The following NPAS3 variants were observed in gnomAD, a reference collection of about 807,000 sequenced individuals.
NPAS3 encodes the protein neuronal PAS domain protein 3.
Under a neutral mutation model 73.1 loss-of-function variants are expected in NPAS3, and 14 were observed. That is an observed-to-expected ratio of 0.19 (90% CI 0.13 to 0.30). NPAS3 has a LOEUF of 0.30. NPAS3 is among the 10% of genes least tolerant of loss of function. The pLI is 1.00. For missense variants in NPAS3, 1,096 were observed against 1,250.0 expected (o/e 0.88, Z 1.86); for synonymous variants, 620 against 541.5 (o/e 1.14, Z -2.01).
At chr14:33,094,107 T>G (rs925386326) in intron 2 of NPAS3, among the ~76,000 whole-genome samples, 2 of 122,500 alleles carry the variant, frequency 1.6e-5, no homozygotes, top group African/African-American at 4.1e-5. Flanking sequence ...CCCTAGAACT[T>G]AAAGTATAAA....
intron 3 of NPAS3, among the ~76,000 whole-genome samples, chr14:33,302,864 C>A (rs144955892): frequency 1.3e-3 from 200 of 151,294 alleles, no homozygotes; most frequent in Non-Finnish European, 1.7e-3. Flanking sequence ...TTTTAGAGTC[C>A]TATGGATGAT....
chr14:33,642,455 C>T (rs1378321416), intron 5 of NPAS3, among the ~76,000 whole-genome samples: 3 of 152,104 alleles, frequency 2.0e-5, no homozygotes, highest in Non-Finnish European at 4.4e-5. Flanking sequence ...AGAACAATGG[C>T]CCAGGAATGT....
At chr14:32,994,539 C>T (rs2038472548) in intron 1 of NPAS3, among the ~76,000 whole-genome samples, 1 of 149,068 alleles carries the variant, frequency 6.7e-6, no homozygotes. Flanking sequence ...ATCTTTGATG[C>T]AGGTTGCAAG....
At chr14:33,785,938 T>A (rs2063158448) in intron 9 of NPAS3, among the ~76,000 whole-genome samples, 1 of 152,182 alleles carries the variant, frequency 6.6e-6, no homozygotes, top group African/African-American at 2.4e-5. Flanking sequence ...AAGGGGTCAG[T>A]CGATGTTTTG....
At chr14:33,799,924 C>G (rs989303974) in exon 12 of NPAS3, 7 of 1,614,178 alleles carry the variant, frequency 4.3e-6, no homozygotes, top group Non-Finnish European at 5.1e-6. Context: ...ACTTTGAGAA[C>G]CCCAAGGCGG....
At chr14:33,604,642 G>A (rs1446271510) in intron 5 of NPAS3, among the ~76,000 whole-genome samples, 1 of 152,016 alleles carries the variant, frequency 6.6e-6, no homozygotes, top group Non-Finnish European at 1.5e-5. Flanking sequence ...CCACCTAACA[G>A]CAGAGTACAC....
At position 33,330,770 on chromosome 14, in the gene NPAS3, G is replaced by C. The variant is rs186834797; in HGVS notation, c.386-36416G>C. Among the ~76,000 whole-genome samples, 67 of 151,318 alleles carry C rather than the reference G, an allele frequency of 4.4e-4. 1 individual carries two copies. Among genetic ancestry groups the C allele is most frequent in the Admixed American group, 4.1e-3 (62 of 15,284 alleles). On this transcript the variant is annotated intron_variant, in intron 3 of 11. Coordinates refer to ENST00000356141, the Ensembl canonical transcript of NPAS3. ...GTCAGGGACTAGATTTTTATGGAAA[G>C]CATTAATTCAAAGAGTCTGTTTTTC...
At chr14:33,558,818 G>A (rs1270093952) in intron 4 of NPAS3, among the ~76,000 whole-genome samples, 4 of 149,386 alleles carry the variant, frequency 2.7e-5, no homozygotes, top group African/African-American at 2.5e-5. Flanking sequence ...TGCTCCTAGC[G>A]CGGGTTTCCT....
chr14:33,067,026 C>T (rs1409918937), intron 2 of NPAS3, among the ~76,000 whole-genome samples: 1 of 152,210 alleles, frequency 6.6e-6, no homozygotes, highest in Non-Finnish European at 1.5e-5. Flanking sequence ...TGAGTTTGCA[C>T]TCGAGACAGT....
chr14:33,219,204 C>G lies in NPAS3; in HGVS notation c.385+3778C>G, dbSNP rs1357103340. Among the ~76,000 whole-genome samples the G allele has an allele frequency of 2.0e-5, 3 of 152,160 alleles. No individual in the cohort carries two copies. In the South Asian group the frequency reaches 6.2e-4, roughly 31 times the overall value. ...ATCACTTCTCCATTCATAGTAATCT[C>G]TATTTAGAGGCTATCTAGAAACCAT... is the stretch of plus-strand genomic sequence containing the variant. On this transcript the variant is annotated intron_variant, in intron 3 of 11. Transcript: ENST00000356141.
Position 33,444,974 on chromosome 14 carries a change from A to T in NPAS3, c.468+77706A>T, listed in dbSNP as rs146381641. 3.6e-3 allele frequency among the ~76,000 whole-genome samples: 542 copies of T among 152,350 alleles called. 2 individuals carry two copies. Among genetic ancestry groups the T allele is most frequent in the Non-Finnish European group, 6.3e-3 (426 of 68,030 alleles). On this transcript the variant is annotated intron_variant, in intron 4 of 11. Transcript: ENST00000356141. ...CATCCTTCTTATCCACCATGCTATG[A>T]TCTTCTCTCACAGCAACTTAAGTAT...
chr14:33,731,236 C>CA (rs1244456867), intron 6 of NPAS3, among the ~76,000 whole-genome samples: 2 of 151,744 alleles, frequency 1.3e-5, no homozygotes, highest in African/African-American at 2.4e-5. Flanking sequence ...ACCCCATCTA[C>CA]AAAAAATACT....
chr14:33,415,404 T>G (rs1046464826), intron 4 of NPAS3, among the ~76,000 whole-genome samples: 1 of 152,160 alleles, frequency 6.6e-6, no homozygotes. Context: ...CAGTCTGTCC[T>G]TCTATCCATA....
chr14:32,939,294 A>G, upstream of NPAS3: 2 of 639,940 alleles, frequency 3.1e-6, no homozygotes, highest in Non-Finnish European at 5.6e-6. Context: ...AAAAAGTAAG[A>G]GAGGAAAAAA....
chr14:33,337,387 A>G (rs940956794), intron 3 of NPAS3, among the ~76,000 whole-genome samples: 2 of 152,094 alleles, frequency 1.3e-5, no homozygotes, highest in African/African-American at 4.8e-5. Context: ...CCTCTGTTGC[A>G]TATCAATTGA....
At chr14:33,066,590 A>G (rs2041289290) in intron 2 of NPAS3, among the ~76,000 whole-genome samples, 1 of 152,176 alleles carries the variant, frequency 6.6e-6, no homozygotes, top group Admixed American at 6.5e-5. Flanking sequence ...TGTACCACAA[A>G]TACCTTTATT....
In NPAS3 at chr14:33,558,848, CT is replaced by C. The variant is rs35496683; in HGVS notation, c.469-1259del. Among the ~76,000 whole-genome samples, 517 of 143,092 alleles carry C rather than the reference CT, an allele frequency of 3.6e-3. 1 individual carries two copies. The highest frequency in any genetic ancestry group is 0.011 in the Middle Eastern group (3 of 280). The allele number at this position is 143,092 out of a possible 152,430, so 93.9% of individuals were successfully genotyped here. A position where few individuals can be genotyped will look rare whatever the true frequency, so the allele number is the denominator to read the frequency against. On this transcript the variant is annotated intron_variant, in intron 4 of 11. Transcript: ENST00000356141. ...TTTCCTGTATTTGCAAATTCACGGCCTTTTTTTTTTTTTTAACACCACTCAC... is the reference window on the plus strand; with the variant it reads ...TTTCCTGTATTTGCAAATTCACGGCCTTTTTTTTTTTTTAACACCACTCAC...
intron 1 of NPAS3, among the ~76,000 whole-genome samples, chr14:33,031,637 T>A (rs2039997278): frequency 6.6e-6 from 1 of 152,156 alleles, no homozygotes. Flanking sequence ...GGACCACACG[T>A]GTGCACCACA....
At chr14:33,653,815 T>C (rs1376470563) in intron 5 of NPAS3, among the ~76,000 whole-genome samples, 2 of 152,232 alleles carry the variant, frequency 1.3e-5, no homozygotes, top group African/African-American at 4.8e-5. Context: ...TACAGATCCC[T>C]GAAACACTGC....
Sources: allele counts gnomAD v4.1 joint callset (sites outside exome capture counted in the v4.1 genomes callset), GRCh38; gene constraint gnomAD v4.1.1; transcripts MANE v1.5; gene names NCBI Gene and HGNC (gene_info 2026-07-23, HGNC 2026-07-21).